Variants in ERG observed in about 807,000 individuals in gnomAD.
The protein encoded by ERG is transcriptional regulator ERG.
A neutral mutation model predicts 55.3 loss-of-function variants in ERG; 9 were observed. The ratio of observed to expected loss-of-function variants is 0.16; its 90% CI spans 0.10 to 0.28. ERG has a LOEUF of 0.28. ERG is among the 10% of genes least tolerant of loss of function. ERG has a pLI of 1.00. For synonymous variants in ERG, 223 were observed against 237.3 expected (o/e 0.94, Z 0.55); for missense variants, 434 against 631.6 (o/e 0.69, Z 3.35).
upstream of ERG, among the ~76,000 whole-genome samples, chr21:38,586,842 A>G (rs1210318625): frequency 6.6e-6 from 1 of 152,232 alleles, no homozygotes; most frequent in Non-Finnish European, 1.5e-5. Flanking sequence ...CAGCCCTCCC[A>G]AATTCATTAC....
intron 2 of ERG, among the ~76,000 whole-genome samples, chr21:38,518,628 G>C (rs1214259446): frequency 6.6e-6 from 1 of 151,968 alleles, no homozygotes; most frequent in Non-Finnish European, 1.5e-5. Context: ...CACAAAAATT[G>C]ATGTCAGATA....
intron 1 of ERG, among the ~76,000 whole-genome samples, chr21:38,467,228 C>T (rs1601446171): frequency 6.6e-6 from 1 of 152,162 alleles, no homozygotes; most frequent in Non-Finnish European, 1.5e-5. Context: ...CTTGTCAATG[C>T]AAAAGTCTTG....
intron 1 of ERG, among the ~76,000 whole-genome samples, chr21:38,464,679 TA>T (rs2059072800): frequency 2.0e-5 from 3 of 152,218 alleles, no homozygotes; most frequent in Admixed American, 6.5e-5. Flanking sequence ...ACCCATCATC[TA>T]CATTAGGTAT....
chr21:38,457,656 C>A (rs1468238875), intron 1 of ERG, among the ~76,000 whole-genome samples: 3 of 152,138 alleles, frequency 2.0e-5, no homozygotes, highest in Non-Finnish European at 2.9e-5. Flanking sequence ...CTATCTTTCC[C>A]AGGAAGAAAA....
At chr21:38,599,999 C>A (rs1470539252) in intron 1 of ERG, among the ~76,000 whole-genome samples, 1 of 152,232 alleles carries the variant, frequency 6.6e-6, no homozygotes, top group Non-Finnish European at 1.5e-5. Flanking sequence ...GAGTGAGCAA[C>A]AGCCCACTGG....
intron 1 of ERG, among the ~76,000 whole-genome samples, chr21:38,579,658 C>G (rs79595200): frequency 6.6e-6 from 1 of 152,108 alleles, no homozygotes; most frequent in Non-Finnish European, 1.5e-5. Flanking sequence ...CTTCTCACAC[C>G]GCCACCACCA....
chr21:38,446,683 T>TA (rs1040127802), intron 1 of ERG, among the ~76,000 whole-genome samples: 14 of 151,166 alleles, frequency 9.3e-5, no homozygotes, highest in South Asian at 8.4e-4. Flanking sequence ...CATTTTTATT[T>TA]AAAAAAAAAG....
exon 2 of ERG, chr21:38,575,709 G>C: frequency 1.9e-6 from 3 of 1,614,042 alleles, no homozygotes; most frequent in South Asian, 1.1e-5. Context: ...ATGTCCTTCA[G>C]TAAGCCAGCC....
chr21:38,493,688 A>G (rs1252232091), intron 1 of ERG, among the ~76,000 whole-genome samples: 2 of 152,166 alleles, frequency 1.3e-5, no homozygotes, highest in East Asian at 1.9e-4. Flanking sequence ...GAACAGGACG[A>G]AGCCAACCCT....
chr21:38,387,638 A>T (rs1375286108), intron 9 of ERG, among the ~76,000 whole-genome samples: 1 of 152,194 alleles, frequency 6.6e-6, no homozygotes, highest in Non-Finnish European at 1.5e-5. Flanking sequence ...TGAAAATCAG[A>T]GTTTAAGGAA....
chr21:38,509,930 C>T (rs897799178), intron 2 of ERG, among the ~76,000 whole-genome samples: 26 of 152,290 alleles, frequency 1.7e-4, no homozygotes, highest in South Asian at 1.4e-3. Context: ...GCTTCCAGGA[C>T]GCCCCAGGGG....
chr21:38,397,818 C>T (rs959377584), intron 6 of ERG, among the ~76,000 whole-genome samples: 2 of 152,084 alleles, frequency 1.3e-5, no homozygotes, highest in African/African-American at 4.8e-5. Context: ...AAACCCTGAA[C>T]ACCACTGTCT....
intron 2 of ERG, among the ~76,000 whole-genome samples, chr21:38,523,994 A>C (rs1416802352): frequency 6.6e-6 from 1 of 152,264 alleles, no homozygotes; most frequent in African/African-American, 2.4e-5. Context: ...TTGGAATCAA[A>C]GCAGCAGAAT....
chr21:38,399,382 TAGAA>T lies in ERG; in HGVS notation c.745+1188_745+1191del, dbSNP rs1988378696. On this transcript the variant is annotated intron_variant, in intron 6 of 9. Coordinates refer to ENST00000288319, the MANE Select transcript of ERG (RefSeq NM_182918.4). ...TCCCTGGGCCCCCAGTCTTTCTCAT[TAGAA>T]AGAAAGAGTAGTTGCCAAGCCTAGA... Among the ~76,000 whole-genome samples, 3 of 152,122 alleles carry T rather than the reference TAGAA, an allele frequency of 2.0e-5. No individual in the cohort carries two copies. In the South Asian group the frequency reaches 6.2e-4, roughly 32 times the overall value.
At chr21:38,474,416 C>T (rs1330037263) in intron 1 of ERG, among the ~76,000 whole-genome samples, 1 of 152,204 alleles carries the variant, frequency 6.6e-6, no homozygotes, top group Admixed American at 6.5e-5. Flanking sequence ...CCACAGGCAG[C>T]AGGGTCCTGA....
intron 9 of ERG, among the ~76,000 whole-genome samples, chr21:38,390,461 G>T (rs112514213): frequency 2.6e-4 from 39 of 152,324 alleles, no homozygotes; most frequent in African/African-American, 9.4e-4. Flanking sequence ...GATCCTAAAT[G>T]AGGTAATCAA....
intron 1 of ERG, among the ~76,000 whole-genome samples, chr21:38,459,295 T>C (rs1477211583): frequency 5.3e-5 from 8 of 152,212 alleles, no homozygotes; most frequent in Admixed American, 5.2e-4. Flanking sequence ...ATGATAATTA[T>C]CAGCTCAAGA....
At chr21:38,589,599 TC>T (rs1301374668), upstream of ERG, among the ~76,000 whole-genome samples, 1 of 152,170 alleles carries the variant, frequency 6.6e-6, no homozygotes, top group African/African-American at 2.4e-5. Context: ...CTAGAGGACT[TC>T]TAGGAAAAGT....
intron 1 of ERG, chr21:38,575,880 G>A: frequency 2.9e-6 from 2 of 680,674 alleles, no homozygotes; most frequent in Non-Finnish European, 5.0e-6. Context: ...TTGCCTAAAG[G>A]CATCCTCTAG....
Sources: allele counts gnomAD v4.1 joint callset (sites outside exome capture counted in the v4.1 genomes callset), GRCh38; gene constraint gnomAD v4.1.1; transcripts MANE v1.5; gene names NCBI Gene and HGNC (gene_info 2026-07-23, HGNC 2026-07-21).